Variants in AP4E1 observed in about 807,000 individuals in gnomAD.
The protein encoded by AP4E1 is adaptor related protein complex 4 subunit epsilon 1, also known as AP-4 complex subunit epsilon-1.
A neutral mutation model predicts 128.2 loss-of-function variants in AP4E1; 56 were observed. That is an observed-to-expected ratio of 0.44 (90% CI 0.35 to 0.55). The LOEUF (loss-of-function observed/expected upper bound fraction) is 0.55, where lower values mean the gene tolerates loss of function less well. Among genes scored for constraint, AP4E1 ranks in the 20% least tolerant of loss-of-function variants. AP4E1 has a pLI of 0.00. For missense variants in AP4E1, 1,324 were observed against 1,307.7 expected, an observed-to-expected ratio of 1.01 and a Z score of -0.19; for synonymous variants, 484 against 473.1, an observed-to-expected ratio of 1.02 and a Z score of -0.30.
At chr15:50,963,048 G>C (rs1369124585) in intron 14 of AP4E1, among the ~76,000 whole-genome samples, 1 of 151,878 alleles carries the variant, frequency 6.6e-6, no homozygotes, top group Admixed American at 6.6e-5. Context: ...ACCACCATGA[G>C]ATATTATTTC....
In AP4E1 at chr15:50,969,850, A is replaced by G. The variant is rs576126901; in HGVS notation, c.1966+1473A>G. ...ATTTTTTTGTATTTTTAGTAGAGAC[A>G]GGGTTTCACCATGTTAGCCAGGATG... On this transcript the variant is annotated intron_variant, in intron 15 of 20. Transcript: ENST00000261842. Among the ~76,000 whole-genome samples the G allele has an allele frequency of 1.2e-3, 187 of 151,882 alleles. 1 individual carries two copies. Among genetic ancestry groups the G allele is most frequent in the South Asian group, 0.011 (52 of 4,802 alleles).
upstream of AP4E1, chr15:50,908,448 CAG>C (rs1193616817): frequency 4.2e-6 from 1 of 237,090 alleles, no homozygotes; most frequent in African/African-American, 2.3e-5. Flanking sequence ...CTCTGGGAGA[CAG>C]TGCCTAACAG....
chr15:50,907,562 C>T (rs2063500686), upstream of AP4E1, among the ~76,000 whole-genome samples: 1 of 152,060 alleles, frequency 6.6e-6, no homozygotes, highest in Non-Finnish European at 1.5e-5. Context: ...ACTAGGAGTA[C>T]TGAGAGCAAA....
intron 10 of AP4E1, chr15:50,944,917 C>T (rs942124303): frequency 2.5e-5 from 20 of 800,496 alleles, no homozygotes; most frequent in Admixed American, 7.8e-5. Flanking sequence ...CTTTCTGGGG[C>T]GTGTGATGGA....
rs574092362 is a variant in AP4E1 at position 50,931,394 on chromosome 15, C to T, written c.869+423C>T. Among the ~76,000 whole-genome samples, 11 of 152,060 alleles carry T rather than the reference C, an allele frequency of 7.2e-5. No individual in the cohort carries two copies. The East Asian group carries it at 1.7e-3, about 24-fold the overall frequency. Reference sequence around the variant, plus strand: ...CAGCCTGACCAACATTGTGAAACCCCGTCTCTACTAAAAATACAAAAATTA... The same window carrying T: ...CAGCCTGACCAACATTGTGAAACCCTGTCTCTACTAAAAATACAAAAATTA... On this transcript the variant is annotated intron_variant, in intron 7 of 20. Transcript: ENST00000261842.
At position 50,929,136 on chromosome 15, in the gene AP4E1, G is replaced by A. The variant is rs752807567; in HGVS notation, c.670G>A (p.Ala224Thr). Residue 224 changes from alanine (A) to threonine (T), a missense_variant, in exon 6 of 21, where the codon GCC (alanine) becomes ACC (threonine). Ala to Thr is a moderately conservative substitution (Grantham distance 58). Coordinates refer to ENST00000261842, the MANE Select transcript of AP4E1 (RefSeq NM_007347.5). ...LCDRDVGVMA[A>T]SLHIYLRMIK... ...TGACAGAGATGTTGGGGTCATGGCT[G>A]CCTCCTTGCATATATATCTTAGAAT... 2.5e-6 allele frequency: 4 copies of A among 1,613,812 alleles called. No homozygotes were observed. The highest frequency in any genetic ancestry group is 1.7e-5 in the Admixed American group (1 of 60,016).
At chr15:50,990,366 T>C (rs1451357335) in intron 16 of AP4E1, among the ~76,000 whole-genome samples, 2 of 147,850 alleles carry the variant, frequency 1.4e-5, no homozygotes, top group Non-Finnish European at 3.0e-5. Flanking sequence ...ATTATTATTA[T>C]TATTATTATT....
intron 11 of AP4E1, among the ~76,000 whole-genome samples, chr15:50,948,434 C>T (rs1233640895): frequency 2.7e-5 from 4 of 146,258 alleles, no homozygotes; most frequent in African/African-American, 1.0e-4. Context: ...TTTCCTCTTT[C>T]AGTCCTGCCT....
Position 50,917,276 on chromosome 15 carries a change from G to C in AP4E1, c.346+1705G>C, listed in dbSNP as rs550354555. Among the ~76,000 whole-genome samples, 4 of 152,306 alleles carry C rather than the reference G, an allele frequency of 2.6e-5. No individual in the cohort carries two copies. The South Asian group carries it at 8.3e-4, about 32-fold the overall frequency. ...AATGTGTTAGATGTGAATACATTTG[G>C]AAATGTTTACAATTCAATCATAACA... is the stretch of plus-strand genomic sequence containing the variant. On this transcript the variant is annotated intron_variant, in intron 3 of 20. Transcript: ENST00000261842.
chr15:50,962,916 A>AAAG (rs2064336180), intron 14 of AP4E1, among the ~76,000 whole-genome samples: 1 of 132,986 alleles, frequency 7.5e-6, no homozygotes. Flanking sequence ...AAAAAAAAAA[A>AAAG]TCCCATTTAA....
chr15:50,947,038 G>C (rs560232515), intron 10 of AP4E1, among the ~76,000 whole-genome samples: 53 of 152,144 alleles, frequency 3.5e-4, no homozygotes, highest in African/African-American at 1.3e-3. Flanking sequence ...AGGCTTGGTG[G>C]CACGCTGAGA....
At position 51,000,881 on chromosome 15, in the gene AP4E1, T is replaced by A. The variant is rs2064952811; in HGVS notation, c.3096-145T>A. 6.2e-6 allele frequency: 4 copies of A among 646,820 alleles called. No homozygotes were observed. In the Admixed American group the frequency reaches 8.5e-5, roughly 14 times the overall value. The allele number at this position is 646,820 out of a possible 1,614,324, so 40.1% of individuals were successfully genotyped here. On this transcript the variant is annotated intron_variant, in intron 19 of 20. Coordinates refer to ENST00000261842, the MANE Select transcript of AP4E1 (RefSeq NM_007347.5). ...GGTTGGAGGATGATACTAACCATTTTTAGCATATTTGGTTTAAAGACATAA... is the reference window on the plus strand; with the variant it reads ...GGTTGGAGGATGATACTAACCATTTATAGCATATTTGGTTTAAAGACATAA...
At chr15:50,963,067 T>C (rs1285775998) in intron 14 of AP4E1, among the ~76,000 whole-genome samples, 1 of 152,040 alleles carries the variant, frequency 6.6e-6, no homozygotes, top group African/African-American at 2.4e-5. Flanking sequence ...TCAGTTACAA[T>C]GGCTGTTATC....
chr15:50,919,535 A>AAAATAAAT (rs68106715), intron 3 of AP4E1, among the ~76,000 whole-genome samples: 84 of 147,600 alleles, frequency 5.7e-4, no homozygotes, highest in Admixed American at 1.8e-3. Context: ...TCCATCTCAA[A>AAAATAAAT]AAATAAATAA....
Position 50,912,657 on chromosome 15 carries a change from ATTTT to A in AP4E1, c.222+523_222+526del, listed in dbSNP as rs200052940. On this transcript the variant is annotated intron_variant, in intron 2 of 20. Transcript: ENST00000261842. Reference sequence around the variant, plus strand: ...CATAGCTAGATTAAAACTCAGTTTGATTTTTTTTTTTTTTTTTTGAGACGGAGTC... The same window carrying A: ...CATAGCTAGATTAAAACTCAGTTTGATTTTTTTTTTTTTTGAGACGGAGTC... Among the ~76,000 whole-genome samples, 748 of 144,214 alleles carry A rather than the reference ATTTT, an allele frequency of 5.2e-3. 2 individuals are homozygous for A. The highest frequency in any genetic ancestry group is 0.018 in the African/African-American group (686 of 39,164). The allele number at this position is 144,214 out of a possible 152,430, so 94.6% of individuals were successfully genotyped here. A position where few individuals can be genotyped will look rare whatever the true frequency, so the allele number is the denominator to read the frequency against.
At chr15:50,935,437 A>G (rs1262123061) in intron 8 of AP4E1, among the ~76,000 whole-genome samples, 1 of 152,100 alleles carries the variant, frequency 6.6e-6, no homozygotes, top group Non-Finnish European at 1.5e-5. Context: ...AAGGGGGTAG[A>G]AAACTGAGAA....
chr15:50,912,918 C>A (rs942870207), intron 2 of AP4E1, among the ~76,000 whole-genome samples: 1 of 152,152 alleles, frequency 6.6e-6, no homozygotes, highest in African/African-American at 2.4e-5. Context: ...CCCACCTCAG[C>A]CTCCTAAATC....
At chr15:50,914,677 T>C (rs1037028401) in intron 2 of AP4E1, among the ~76,000 whole-genome samples, 10 of 150,038 alleles carry the variant, frequency 6.7e-5, no homozygotes, top group Admixed American at 2.0e-4. Context: ...AAAAAGTCTG[T>C]GAGCTTTTAG....
intron 15 of AP4E1, 130 bp downstream of exon 15, chr15:50,968,507 T>C (rs576411659): frequency 1.2e-5 from 10 of 814,720 alleles, no homozygotes; most frequent in Middle Eastern, 3.3e-4. Context: ...TGTGATTTGT[T>C]TGCCGTGACT....
Sources: allele counts gnomAD v4.1 joint callset (sites outside exome capture counted in the v4.1 genomes callset), GRCh38; gene constraint gnomAD v4.1.1; transcripts MANE v1.5; gene names NCBI Gene and HGNC (gene_info 2026-07-23, HGNC 2026-07-21).